SHB: variants seen among roughly 807,000 people sequenced by gnomAD.
SHB encodes the protein SH2 domain-containing adapter protein B.
Under a neutral mutation model 52.3 loss-of-function variants are expected in SHB, and 20 were observed. The observed-to-expected ratio is 0.38, with a 90% confidence interval of 0.27 to 0.56. The LOEUF (loss-of-function observed/expected upper bound fraction) is 0.56. SHB is among the 20% of genes least tolerant of loss of function. The pLI is 0.71. For synonymous variants in SHB, 397 were observed against 316.5 expected (o/e 1.25, Z -2.70); for missense variants, 825 against 723.3 (o/e 1.14, Z -1.61).
chr9:37,973,396 T>G (rs1355771634), intron 3 of SHB, among the ~76,000 whole-genome samples: 1 of 152,190 alleles, frequency 6.6e-6, no homozygotes, highest in Non-Finnish European at 1.5e-5. Context: ...GCTAATTTTG[T>G]ATTTTTAGTA....
intron 5 of SHB, among the ~76,000 whole-genome samples, chr9:37,923,245 G>C (rs1374153105): frequency 6.6e-6 from 1 of 152,240 alleles, no homozygotes; most frequent in Non-Finnish European, 1.5e-5. Context: ...AGAGGCGTCA[G>C]ACTCTGAGCA....
Position 37,919,749 on chromosome 9 carries a change from G to T in SHB, c.*72C>A. On this transcript the variant is annotated 3_prime_UTR_variant, in exon 6 of 6. Transcript: ENST00000377707. ...CGACACAGCCAGCAACAGTGGCTGG[G>T]CTGGTTGGTGGGGGGCCTCTGGCAC... 1 of 1,210,282 alleles carries T rather than the reference G, an allele frequency of 8.3e-7. No individual in the cohort carries two copies. Among genetic ancestry groups the T allele is most frequent in the Non-Finnish European group, 1.2e-6 (1 of 826,374 alleles). The allele number at this position is 1,210,282 out of a possible 1,614,324, so 75.0% of individuals were successfully genotyped here.
Position 38,014,452 on chromosome 9 carries a change from A to G in SHB, c.838+1559T>C, listed in dbSNP as rs570653047. Among the ~76,000 whole-genome samples, 236 of 152,350 alleles carry G rather than the reference A, an allele frequency of 1.5e-3. 2 individuals carry two copies. Among genetic ancestry groups the G allele is most frequent in the South Asian group, 3.3e-3 (16 of 4,834 alleles). On this transcript the variant is annotated intron_variant, in intron 2 of 5. Coordinates refer to ENST00000377707, the MANE Select transcript of SHB (RefSeq NM_003028.3). ...ACTGGCTGTGGTTGTCGCAGGGCCC[A>G]GGCATGCATCACATCTGTGGTGAGG...
chr9:37,920,331 A>T (rs554497123), intron 5 of SHB, among the ~76,000 whole-genome samples: 118 of 130,746 alleles, frequency 9.0e-4, no homozygotes, highest in African/African-American at 3.1e-3. Flanking sequence ...AAAACAAAAC[A>T]AAACTTAGTC....
intron 2 of SHB, among the ~76,000 whole-genome samples, chr9:38,007,464 AACGCCC>A (rs1821087261): frequency 6.6e-6 from 1 of 152,194 alleles, no homozygotes; most frequent in Admixed American, 6.5e-5. Flanking sequence ...AACTGGTCAG[AACGCCC>A]ACCCAACTCC....
chr9:37,934,204 G>A (rs1184338172), intron 5 of SHB, among the ~76,000 whole-genome samples: 1 of 152,100 alleles, frequency 6.6e-6, no homozygotes, highest in Non-Finnish European at 1.5e-5. Context: ...CCCCTCCCAA[G>A]TCCCAAGAGA....
intron 2 of SHB, among the ~76,000 whole-genome samples, chr9:37,993,553 T>TATA (rs929521332): frequency 2.6e-5 from 4 of 151,906 alleles, no homozygotes; most frequent in Admixed American, 6.6e-5. Context: ...GAACTTAAAG[T>TATA]ATAATAATAA....
intron 2 of SHB, among the ~76,000 whole-genome samples, chr9:37,986,965 TCC>T (rs1820815569): frequency 6.6e-6 from 1 of 152,192 alleles, no homozygotes; most frequent in Non-Finnish European, 1.5e-5. Context: ...GGTCTCTGCC[TCC>T]AGAGAGGCCT....
intron 5 of SHB, among the ~76,000 whole-genome samples, 153 bp from the exon 6 acceptor site, chr9:37,920,157 T>C (rs1832160083): frequency 6.6e-6 from 1 of 152,026 alleles, no homozygotes; most frequent in Non-Finnish European, 1.5e-5. Flanking sequence ...CAGGACCAGA[T>C]GAAATGCAGC....
At chr9:38,014,062 C>A (rs1821178454) in intron 2 of SHB, among the ~76,000 whole-genome samples, 1 of 152,190 alleles carries the variant, frequency 6.6e-6, no homozygotes, top group African/African-American at 2.4e-5. Context: ...ACTACACTTC[C>A]TTCAGTACCC....
At chr9:38,037,475 T>G (rs1280488328) in intron 1 of SHB, among the ~76,000 whole-genome samples, 1 of 152,054 alleles carries the variant, frequency 6.6e-6, no homozygotes, top group Admixed American at 6.5e-5. Context: ...CTATCTAACC[T>G]CCAATGCTCG....
intron 1 of SHB, among the ~76,000 whole-genome samples, chr9:38,064,942 G>C (rs1026963242): frequency 2.0e-5 from 3 of 152,154 alleles, no homozygotes; most frequent in Non-Finnish European, 2.9e-5. Context: ...GGGCAACACA[G>C]AGAGACCTCC....
intron 2 of SHB, among the ~76,000 whole-genome samples, chr9:37,976,930 G>A (rs948477084): frequency 6.6e-6 from 1 of 152,124 alleles, no homozygotes; most frequent in Non-Finnish European, 1.5e-5. Flanking sequence ...GATTCAGGCC[G>A]GCTCATGTGG....
At chr9:37,979,403 A>G (rs934000478) in intron 2 of SHB, among the ~76,000 whole-genome samples, 2 of 152,128 alleles carry the variant, frequency 1.3e-5, no homozygotes, top group Non-Finnish European at 2.9e-5. Flanking sequence ...GACCCTAAGA[A>G]TTTGCCTGGG....
chr9:37,955,976 C>T lies in SHB; in HGVS notation c.1133G>A (p.Gly378Glu). ...ATGTTTGATAGGCTTAAAGCCCCCTCCAGGGGCACGAAGCTGGCGCCGCCG... is the reference window on the plus strand; with the variant it reads ...ATGTTTGATAGGCTTAAAGCCCCCTTCAGGGGCACGAAGCTGGCGCCGCCG... ...RDRRRQLRAP[G>E]GGFKPIKHGS... Residue 378 changes from glycine to glutamate, a missense_variant, in exon 4 of 6, where the codon GGA becomes GAA. Physicochemically the swap from Gly to Glu is moderately conservative, Grantham distance 98. Transcript: ENST00000377707. 1 of 1,607,768 alleles carries T rather than the reference C, an allele frequency of 6.2e-7. No individual in the cohort carries two copies. Among genetic ancestry groups the T allele is most frequent in the Non-Finnish European group, 8.5e-7 (1 of 1,177,620 alleles).
intron 3 of SHB, among the ~76,000 whole-genome samples, chr9:37,966,180 C>T (rs141470943): frequency 6.6e-6 from 1 of 152,318 alleles, no homozygotes; most frequent in East Asian, 1.9e-4. Flanking sequence ...GTGCCAGGCA[C>T]AGATCACAGG....
At chr9:37,940,739 T>G (rs1832425479) in intron 5 of SHB, among the ~76,000 whole-genome samples, 1 of 152,162 alleles carries the variant, frequency 6.6e-6, no homozygotes. Flanking sequence ...ACCAGAAAAT[T>G]GAAAAAGTCT....
At chr9:38,018,986 T>C (rs1453370325) in intron 1 of SHB, among the ~76,000 whole-genome samples, 2 of 152,212 alleles carry the variant, frequency 1.3e-5, no homozygotes, top group African/African-American at 4.8e-5. Context: ...AGTGGACAAC[T>C]CCTGTATATC....
Position 38,014,685 on chromosome 9 carries a change from C to T in SHB, c.838+1326G>A, listed in dbSNP as rs528512156. On this transcript the variant is annotated intron_variant, in intron 2 of 5. Transcript: ENST00000377707. ...AGTCCCTCTGGTCCACTGCTCTCTG[C>T]CCTGGCCCTCACGAAGTGGCTAAGT... 3.9e-5 allele frequency among the ~76,000 whole-genome samples: 6 copies of T among 152,346 alleles called. No homozygotes were observed. In the East Asian group the frequency reaches 1.2e-3, roughly 29 times the overall value.
Sources: allele counts gnomAD v4.1 joint callset (sites outside exome capture counted in the v4.1 genomes callset), GRCh38; gene constraint gnomAD v4.1.1; transcripts MANE v1.5; gene names NCBI Gene and HGNC (gene_info 2026-07-23, HGNC 2026-07-21).